AFF3: variants seen among roughly 807,000 people sequenced by gnomAD.
AFF3 encodes the protein AF4/FMR2 family member 3.
Under a neutral mutation model 129.7 loss-of-function variants are expected in AFF3, and 32 were observed. The observed-to-expected ratio is 0.25, with a 90% CI of 0.19 to 0.33. The LOEUF is 0.33. Among genes scored for constraint, AFF3 ranks in the 10% least tolerant of loss-of-function variants. AFF3 has a pLI of 1.00. For synonymous variants in AFF3, 644 were observed against 635.4 expected (o/e 1.01, Z -0.20); for missense variants, 1,373 against 1,592.0 (o/e 0.86, Z 2.34).
At chr2:100,108,816 A>G (rs1169248881) in intron 2 of AFF3, among the ~76,000 whole-genome samples, 1 of 149,250 alleles carries the variant, frequency 6.7e-6, no homozygotes, top group African/African-American at 2.5e-5. Context: ...GACAACAGAT[A>G]TTTATTGAAT....
chr2:99,601,488 T>A lies in AFF3; in HGVS notation c.1318A>T (p.Ser440Cys). 7 of 1,609,808 alleles carry A rather than the reference T, an allele frequency of 4.3e-6. No individual in the cohort carries two copies. Among genetic ancestry groups the A allele is most frequent in the Non-Finnish European group, 5.9e-6 (7 of 1,178,434 alleles). Residue 440 changes from serine to cysteine, a missense_variant, in exon 14 of 25, where the codon AGC becomes TGC. Transcript: ENST00000672756. Reference sequence around the variant, plus strand: ...CTGCCCTCACTCTCGCTGGAGCTGCTCTCGGTCTCCGAGTCAGATCCGGAG... The same window carrying A: ...CTGCCCTCACTCTCGCTGGAGCTGCACTCGGTCTCCGAGTCAGATCCGGAG... ...SSSGSDSETE[S>C]SSSESEGSKP...
intron 7 of AFF3, among the ~76,000 whole-genome samples, chr2:99,968,177 C>T (rs1055245902): frequency 6.6e-6 from 1 of 152,198 alleles, no homozygotes; most frequent in African/African-American, 2.4e-5. Context: ...TGAACTAGTC[C>T]CTCCTCTATG....
At chr2:99,940,755 G>T (rs1272015224) in intron 7 of AFF3, among the ~76,000 whole-genome samples, 1 of 152,140 alleles carries the variant, frequency 6.6e-6, no homozygotes, top group Non-Finnish European at 1.5e-5. Context: ...TAATAAACTT[G>T]CTTTAGCCTT....
intron 7 of AFF3, among the ~76,000 whole-genome samples, chr2:99,859,367 T>C (rs1690795176): frequency 6.6e-6 from 1 of 152,240 alleles, no homozygotes; most frequent in African/African-American, 2.4e-5. Context: ...CATTTAGAAC[T>C]GCTGTTAAAA....
At chr2:99,822,325 G>T (rs1687750857) in intron 8 of AFF3, among the ~76,000 whole-genome samples, 1 of 151,710 alleles carries the variant, frequency 6.6e-6, no homozygotes, top group African/African-American at 2.4e-5. Context: ...TGGGGGATGG[G>T]GGTGGAGGTC....
intron 11 of AFF3, among the ~76,000 whole-genome samples, chr2:99,692,495 A>G (rs2104678079): frequency 6.6e-6 from 1 of 152,304 alleles, no homozygotes; most frequent in East Asian, 1.9e-4. Context: ...AGGCTGATGA[A>G]GGGCCTGGAA....
At position 99,935,424 on chromosome 2, in the gene AFF3, G is replaced by T. The variant is rs532524152; in HGVS notation, c.873+71208C>A. Among the ~76,000 whole-genome samples, 17 of 152,326 alleles carry T rather than the reference G, an allele frequency of 1.1e-4. No homozygotes were observed. The East Asian group carries it at 3.3e-3, about 29-fold the overall frequency. On this transcript the variant is annotated intron_variant, in intron 7 of 24. Transcript: ENST00000672756. ...TAAGCACTTTATAACTCTTTTAAGG[G>T]AGAGGGGAGCAGGTATTTTCTTTAA...
intron 7 of AFF3, among the ~76,000 whole-genome samples, chr2:99,853,652 T>C (rs1690310346): frequency 6.6e-6 from 1 of 152,228 alleles, no homozygotes; most frequent in African/African-American, 2.4e-5. Context: ...ATTTTCTAGA[T>C]GCGAAATTTC....
intron 13 of AFF3, among the ~76,000 whole-genome samples, chr2:99,615,184 C>T (rs1477337722): frequency 1.3e-5 from 2 of 152,086 alleles, no homozygotes; most frequent in Non-Finnish European, 2.9e-5. Flanking sequence ...AAATGGCTGC[C>T]GATCTTTTTA....
intron 7 of AFF3, among the ~76,000 whole-genome samples, chr2:99,932,421 C>G (rs989332589): frequency 6.6e-6 from 1 of 152,128 alleles, no homozygotes; most frequent in African/African-American, 2.4e-5. Flanking sequence ...TTAAAGAAAA[C>G]AAGATTTGCA....
chr2:99,943,322 T>C (rs1675239607), intron 7 of AFF3, among the ~76,000 whole-genome samples: 1 of 152,220 alleles, frequency 6.6e-6, no homozygotes, highest in African/African-American at 2.4e-5. Context: ...TCTGCAGTCC[T>C]AGGTACCCTC....
intron 20 of AFF3, among the ~76,000 whole-genome samples, chr2:99,562,605 G>C (rs1308334626): frequency 1.3e-5 from 2 of 152,188 alleles, no homozygotes; most frequent in Non-Finnish European, 2.9e-5. Flanking sequence ...AAAAATCCTT[G>C]TCAGATAATT....
At chr2:99,994,351 C>G (rs539523784) in intron 7 of AFF3, among the ~76,000 whole-genome samples, 76 of 152,112 alleles carry the variant, frequency 5.0e-4, no homozygotes, top group African/African-American at 1.8e-3. Context: ...ACCAAAGAAA[C>G]AGAAAGAGAG....
rs563857572 is a variant in AFF3, at chr2:100,111,899, A to G, written c.-144-6316T>C. 5.3e-5 allele frequency among the ~76,000 whole-genome samples: 8 copies of G among 152,330 alleles called. No individual in the cohort carries two copies. The South Asian group carries it at 1.7e-3, about 32-fold the overall frequency. ...CAACCCTGCTATGGGCAGTCTCCAC[A>G]TGAATGTTTCCAGTGGTGGGGAGTG... On this transcript the variant is annotated intron_variant, in intron 2 of 24. Transcript: ENST00000672756.
chr2:99,604,740 G>C (rs1429418457), intron 13 of AFF3, among the ~76,000 whole-genome samples: 1 of 152,198 alleles, frequency 6.6e-6, no homozygotes, highest in African/African-American at 2.4e-5. Flanking sequence ...TTAGAAGGAT[G>C]GGGTTGGGGG....
At chr2:99,580,936 C>T (rs1034435597) in intron 17 of AFF3, 3 of 152,234 alleles carry the variant, frequency 2.0e-5, no homozygotes, top group African/African-American at 7.2e-5. Flanking sequence ...GAAAGTTTGC[C>T]ACTCCTAGGA....
At chr2:99,804,547 A>C (rs76037771) in intron 8 of AFF3, among the ~76,000 whole-genome samples, 5,064 of 152,318 alleles carry the variant, frequency 0.033, 121 homozygotes, top group Non-Finnish European at 0.048. Context: ...AAGAACTAAA[A>C]GTAGATCAAC....
chr2:99,916,415 CA>C (rs1695481326), intron 7 of AFF3, among the ~76,000 whole-genome samples: 1 of 152,072 alleles, frequency 6.6e-6, no homozygotes, highest in Non-Finnish European at 1.5e-5. Context: ...CCTGGGAGGT[CA>C]GGGGATCTAC....
chr2:99,632,232 C>T lies in AFF3; in HGVS notation c.1184+17394G>A, dbSNP rs551211118. 2.6e-5 allele frequency among the ~76,000 whole-genome samples: 4 copies of T among 152,168 alleles called. No homozygotes were observed. In the East Asian group the frequency reaches 7.7e-4, roughly 29 times the overall value. On this transcript the variant is annotated intron_variant, in intron 13 of 24. Transcript: ENST00000672756. ...GTTTCACCGTGTTGGCCAGGCTGGT[C>T]TTGAACTCCTGGCCTCAGGTGATCT... is the stretch of plus-strand genomic sequence containing the variant.
Sources: gnomAD v4.1 joint callset for allele counts (sites outside exome capture counted in the v4.1 genomes callset) on GRCh38, gnomAD v4.1.1 for gene constraint, MANE v1.5 for transcripts, NCBI Gene and HGNC (gene_info 2026-07-23, HGNC 2026-07-21) for gene names.